Variants in ARAP2 observed in about 807,000 individuals in gnomAD.
The protein encoded by ARAP2 is ArfGAP with RhoGAP domain, ankyrin repeat and PH domain 2, also known as arf-GAP with Rho-GAP domain, ANK repeat and PH domain-containing protein 2.
ARAP2 carries 148 observed loss-of-function variants against 194.5 expected under a neutral mutation model. The observed-to-expected ratio is 0.76, with a 90% CI of 0.67 to 0.87. ARAP2 has a LOEUF of 0.87. Among genes scored for constraint, ARAP2 ranks in the 40% least tolerant of loss-of-function variants. The probability of loss-of-function intolerance (pLI) is 0.00; values close to 1 mark genes in which losing one functional copy is unlikely to be tolerated. For synonymous variants in ARAP2, 695 were observed against 683.5 expected (o/e 1.02, Z -0.26); for missense variants, 2,128 against 1,989.7 (o/e 1.07, Z -1.32).
Position 36,147,731 on chromosome 4 carries a change from A to G in ARAP2, c.3016T>C (p.Phe1006Leu), listed in dbSNP as rs35218548. 1,537 of 1,607,174 alleles carry G rather than the reference A, an allele frequency of 9.6e-4. 10 individuals carry two copies. In the African/African-American group the frequency reaches 0.018, roughly 19 times the overall value. Residue 1006 changes from phenylalanine to leucine, a missense_variant, in exon 18 of 33, where the codon TTT becomes CTT. Transcript: ENST00000303965. ...TCAGCTTCTGTTAAGTTTTCAGCAAATAAGGGAACAAAATGCTGTTAAAAC... is the reference window on the plus strand; with the variant it reads ...TCAGCTTCTGTTAAGTTTTCAGCAAGTAAGGGAACAAAATGCTGTTAAAAC... Reference protein sequence around the residue: ...EAIAKHFVPLFAENLTEADYD... With the variant: ...EAIAKHFVPLLAENLTEADYD...
At position 36,133,381 on chromosome 4, in the gene ARAP2, T is replaced by A. The variant is rs751413397; in HGVS notation, c.3272A>T (p.Tyr1091Phe). 1.2e-6 allele frequency: 2 copies of A among 1,608,804 alleles called. No individual in the cohort carries two copies. Among genetic ancestry groups the A allele is most frequent in the South Asian group, 2.2e-5 (2 of 90,598 alleles). ...LLLVEKGRTLYIHGHTKLDFT... is the reference protein window; with the variant it reads ...LLLVEKGRTLFIHGHTKLDFT... The stretch of plus-strand genomic sequence containing the variant: ...ATCCAACTTGGTATGCCCATGGATG[T>A]ATAATGTTCTGTAAAGTTTAAAAAG... Residue 1091 changes from tyrosine (Y) to phenylalanine (F), a missense_variant, in exon 20 of 33, where the codon TAC becomes TTC. Tyr to Phe is a conservative substitution (Grantham distance 22). Coordinates refer to ENST00000303965, the MANE Select transcript of ARAP2 (RefSeq NM_015230.4).
At chr4:36,240,299 ATAG>A (rs1753271551) in intron 1 of ARAP2, among the ~76,000 whole-genome samples, 1 of 152,220 alleles carries the variant, frequency 6.6e-6, no homozygotes, top group South Asian at 2.1e-4. Flanking sequence ...TTCGGTCTGC[ATAG>A]TAGTATTACA....
At chr4:36,171,758 T>G (rs1442414019) in intron 9 of ARAP2, among the ~76,000 whole-genome samples, 2 of 152,070 alleles carry the variant, frequency 1.3e-5, no homozygotes, top group Non-Finnish European at 2.9e-5. Context: ...TATTTTTATT[T>G]TATACCTTTT....
chr4:36,145,555 A>T (rs1265318860), intron 19 of ARAP2, among the ~76,000 whole-genome samples: 1 of 151,946 alleles, frequency 6.6e-6, no homozygotes, highest in Non-Finnish European at 1.5e-5. Context: ...CAAGGGCTGA[A>T]AAACTACCTA....
chr4:36,139,177 T>G (rs1475949946), intron 19 of ARAP2, among the ~76,000 whole-genome samples: 2 of 151,394 alleles, frequency 1.3e-5, no homozygotes, highest in Non-Finnish European at 3.0e-5. Flanking sequence ...TACTTGTGAT[T>G]TTTTCTAATT....
intron 27 of ARAP2, among the ~76,000 whole-genome samples, chr4:36,092,836 T>TA (rs951268838): frequency 2.0e-5 from 3 of 152,070 alleles, no homozygotes; most frequent in Admixed American, 1.3e-4. Context: ...AATGCGCAGA[T>TA]AAAAAAGGAA....
intron 8 of ARAP2, among the ~76,000 whole-genome samples, chr4:36,185,846 T>C (rs1468349936): frequency 6.6e-6 from 1 of 150,892 alleles, no homozygotes; most frequent in African/African-American, 2.4e-5. Flanking sequence ...GGCGTGGTGA[T>C]GCATGCCTGT....
intron 7 of ARAP2, among the ~76,000 whole-genome samples, 188 bp from the exon 8 acceptor site, chr4:36,187,759 C>T (rs755917328): frequency 6.6e-6 from 1 of 152,166 alleles, no homozygotes; most frequent in African/African-American, 2.4e-5. Flanking sequence ...TATTAAATAT[C>T]CCCTTCTTTG....
chr4:36,086,333 A>T (rs575193824), intron 28 of ARAP2, among the ~76,000 whole-genome samples: 1 of 152,110 alleles, frequency 6.6e-6, no homozygotes, highest in Non-Finnish European at 1.5e-5. Flanking sequence ...TAATAAGTAG[A>T]TTGAGAGTCT....
intron 5 of ARAP2, among the ~76,000 whole-genome samples, chr4:36,041,423 A>G (rs111739628): frequency 1.3e-5 from 2 of 152,206 alleles, no homozygotes; most frequent in African/African-American, 2.4e-5. Flanking sequence ...CAAGCACATC[A>G]AGAAAAAGCT....
At chr4:36,178,044 ATAAG>A (rs761322685) in intron 8 of ARAP2, 39 bp from the exon 9 acceptor site, 3 of 1,526,254 alleles carry the variant, frequency 2.0e-6, no homozygotes, top group Non-Finnish European at 2.6e-6. Context: ...AAATCCACAT[ATAAG>A]TTACATAGAC....
chr4:36,172,121 T>C (rs1302049732), intron 9 of ARAP2, among the ~76,000 whole-genome samples: 2 of 152,176 alleles, frequency 1.3e-5, no homozygotes, highest in African/African-American at 4.8e-5. Context: ...TAAATTTAAT[T>C]TGCTGTGATA....
At chr4:36,043,818 G>GGCAAGGGAAC (rs1721292219) in intron 5 of ARAP2, among the ~76,000 whole-genome samples, 3 of 60,248 alleles carry the variant, frequency 5.0e-5, no homozygotes, top group Non-Finnish European at 1.1e-4. Context: ...GGGAAGGGAA[G>GGCAAGGGAAC]GGAAGGGAAG....
chr4:36,008,312 C>T (rs951774241), intron 9 of ARAP2, among the ~76,000 whole-genome samples: 1 of 151,986 alleles, frequency 6.6e-6, no homozygotes, highest in African/African-American at 2.4e-5. Context: ...TTACACTAAT[C>T]AAAACAGCAT....
chr4:36,099,317 G>T (rs1042441441), intron 27 of ARAP2, among the ~76,000 whole-genome samples: 1 of 151,810 alleles, frequency 6.6e-6, no homozygotes, highest in South Asian at 2.1e-4. Flanking sequence ...TGAGTATTTG[G>T]GTTACTTCCA....
intron 1 of ARAP2, among the ~76,000 whole-genome samples, chr4:36,230,856 T>C (rs371778010): frequency 6.6e-6 from 1 of 152,200 alleles, no homozygotes; most frequent in African/African-American, 2.4e-5. Flanking sequence ...CGGCTTCAAC[T>C]ATTTTAAAAT....
intron 5 of ARAP2, among the ~76,000 whole-genome samples, chr4:36,030,905 G>C (rs1235521284): frequency 1.3e-5 from 2 of 151,546 alleles, no homozygotes; most frequent in East Asian, 3.9e-4. Flanking sequence ...GCCTAGTCGG[G>C]TGGATCACAA....
chr4:36,154,468 C>A (rs911060401), intron 15 of ARAP2, among the ~76,000 whole-genome samples: 1 of 151,990 alleles, frequency 6.6e-6, no homozygotes, highest in African/African-American at 2.4e-5. Context: ...AAATCAAATA[C>A]TATGTAAACA....
At chr4:36,132,220 A>G (rs1725612032) in intron 20 of ARAP2, among the ~76,000 whole-genome samples, 2 of 151,662 alleles carry the variant, frequency 1.3e-5, no homozygotes, top group African/African-American at 4.8e-5. Flanking sequence ...TACTTCCACC[A>G]CTGTGTTTCT....
Sources: allele counts gnomAD v4.1 joint callset (sites outside exome capture counted in the v4.1 genomes callset), GRCh38; gene constraint gnomAD v4.1.1; transcripts MANE v1.5; gene names NCBI Gene and HGNC (gene_info 2026-07-23, HGNC 2026-07-21).